The following ITGA7 variants were observed in gnomAD, a reference collection of about 807,000 sequenced individuals.
The protein encoded by ITGA7 is integrin alpha-7.
ITGA7 carries 84 observed loss-of-function variants against 131.6 expected under a neutral mutation model. The observed-to-expected ratio is 0.64, with a 90% CI of 0.54 to 0.77. The LOEUF (loss-of-function observed/expected upper bound fraction) is 0.77. ITGA7 is among the 30% of genes least tolerant of loss of function. The pLI is 0.00. For missense variants in ITGA7, 1,399 were observed against 1,482.9 expected, an observed-to-expected ratio of 0.94 and a Z score of 0.93; for synonymous variants, 548 against 600.7, an observed-to-expected ratio of 0.91 and a Z score of 1.28.
At chr12:55,696,067 C>T (rs1465529006) in intron 13 of ITGA7, among the ~76,000 whole-genome samples, 2 of 152,158 alleles carry the variant, frequency 1.3e-5, no homozygotes, top group Non-Finnish European at 2.9e-5. Flanking sequence ...TTACAGAATC[C>T]CATCAACCTG....
chr12:55,701,282 CAT>C (rs990917446), intron 3 of ITGA7, 128 bp from the exon 4 acceptor site: 37 of 1,551,414 alleles, frequency 2.4e-5, no homozygotes, highest in Non-Finnish European at 3.0e-5. Context: ...CACATGCACA[CAT>C]ACACACACAC....
At chr12:55,713,223 G>C (rs1333758895), upstream of ITGA7, among the ~76,000 whole-genome samples, 2 of 152,182 alleles carry the variant, frequency 1.3e-5, no homozygotes, top group African/African-American at 4.8e-5. Flanking sequence ...GGGGAGGACA[G>C]AGCCAGGCTG....
chr12:55,687,983 CAGCACCAGCAGTGCT>C lies in ITGA7; in HGVS notation c.3156_3170del (p.Ala1053_Leu1057del). Reference sequence around the variant, plus strand: ...CTCCAAGCCTCACCTTCCACAGGAGCAGCACCAGCAGTGCTAGCACCAGCAGCCCAGCCAGTACAG... The same window carrying C: ...CTCCAAGCCTCACCTTCCACAGGAGCAGCACCAGCAGCCCAGCCAGTACAG... On this transcript the variant is annotated inframe_deletion, in exon 24 of 25. Transcript: ENST00000257879. The C allele has an allele frequency of 1.2e-6, 2 of 1,614,192 alleles. No individual in the cohort carries two copies. Among genetic ancestry groups the C allele is most frequent in the East Asian group, 2.2e-5 (1 of 44,878 alleles).
chr12:55,697,866 G>A (rs1565629139), intron 8 of ITGA7, 44 bp from the exon 9 acceptor site: 2 of 1,614,002 alleles, frequency 1.2e-6, no homozygotes, highest in Non-Finnish European at 1.7e-6. Flanking sequence ...ACCTCCCGCA[G>A]GCCTCTGCCT....
intron 11 of ITGA7, 28 bp downstream of exon 11, chr12:55,697,188 C>A (rs767275066): frequency 6.4e-7 from 1 of 1,573,112 alleles, no homozygotes. Context: ...CCCAAAAGGG[C>A]GAGCCACAGA....
chr12:55,692,632 G>A (rs1453395234), intron 21 of ITGA7, among the ~76,000 whole-genome samples: 5 of 152,174 alleles, frequency 3.3e-5, no homozygotes, highest in African/African-American at 1.2e-4. Context: ...GGCTTCAGGT[G>A]GAGTGACCTG....
chr12:55,708,530 G>A (rs1048490284), upstream of ITGA7, among the ~76,000 whole-genome samples: 3 of 152,074 alleles, frequency 2.0e-5, no homozygotes, highest in South Asian at 2.1e-4. Flanking sequence ...CGGGAGATAC[G>A]GGGAGCAAAT....
chr12:55,700,891 T>A lies in ITGA7; in HGVS notation c.670+8A>T, dbSNP rs1247327431. ...GTCCCCTTCTCCCCTTCCCGAGGAG[T>A]GACTCACCCTTCCAATTATAGGTTC... is the stretch of plus-strand genomic sequence containing the variant. On this transcript the variant is annotated splice_region_variant and intron_variant, in intron 4 of 24. Transcript: ENST00000257879. 1 of 1,613,884 alleles carries A rather than the reference T, an allele frequency of 6.2e-7. No homozygotes were observed. The highest frequency in any genetic ancestry group is 8.5e-7 in the Non-Finnish European group (1 of 1,179,918).
chr12:55,698,894 C>A lies in ITGA7; in HGVS notation c.814G>T (p.Gly272Cys), dbSNP rs773336555. The A allele has an allele frequency of 6.2e-6, 10 of 1,613,154 alleles. No homozygotes were observed. The Admixed American group carries it at 1.5e-4, about 24-fold the overall frequency. The part of the protein sequence containing the change: ...YLGFSIDSGK[G>C]LVRAEELSFV... ...CTCAGCTCTTCTGCACGCACCAGAC[C>A]TTTCCCCGAGTCAATAGAGAAGCCT... The change falls in exon 6 of 25, where the codon GGT (glycine) becomes TGT (cysteine). Residue 272 changes from glycine to cysteine, a missense_variant. Transcript: ENST00000257879.
In ITGA7 at chr12:55,694,134, G is replaced by A. The variant is rs1204217415; in HGVS notation, c.2433-11C>T. The A allele has an allele frequency of 6.2e-7, 1 of 1,613,094 alleles. No individual in the cohort carries two copies. The highest frequency in any genetic ancestry group is 8.5e-7 in the Non-Finnish European group (1 of 1,179,096). ...TGGGGAATGGCCATTCTGGCGTGGA[G>A]AGGTCAGAACAGGGGTGAGAAGGTC... is the stretch of plus-strand genomic sequence containing the variant. On this transcript the variant is annotated splice_polypyrimidine_tract_variant and intron_variant, in intron 18 of 24. Coordinates refer to ENST00000257879, the MANE Select transcript of ITGA7 (RefSeq NM_002206.3). This position sits in a 1 kb window ranked among gnomAD's most constrained non-coding sequence, Gnocchi z 5.3.
intron 4 of ITGA7, 48 bp from the exon 5 acceptor site, chr12:55,700,037 G>A (rs910515860): frequency 1.2e-6 from 2 of 1,606,914 alleles, no homozygotes; most frequent in Non-Finnish European, 8.5e-7. Context: ...CCAGAGTAGG[G>A]GCCACAGAGT....
chr12:55,706,643 G>A (rs1006329865), intron 1 of ITGA7, among the ~76,000 whole-genome samples: 2 of 151,204 alleles, frequency 1.3e-5, no homozygotes, highest in Admixed American at 1.3e-4. Context: ...CCTCACAAAA[G>A]TATATCCATC....
At chr12:55,695,156 C>T (rs776150303) in intron 14 of ITGA7, 186 bp from the exon 15 acceptor site, 84 of 625,390 alleles carry the variant, frequency 1.3e-4, no homozygotes, top group Non-Finnish European at 2.1e-4. Context: ...CCTCCGTTCT[C>T]ATCTCAGCTC....
chr12:55,698,455 A>C lies in ITGA7; in HGVS notation c.1120T>G (p.Cys374Gly). ...CCGAACATGGAGTCAGGGGAGCCGCAGAGCCGGAGAGGGGAGATCCCAGCC... is the reference window on the plus strand; with the variant it reads ...CCGAACATGGAGTCAGGGGAGCCGCCGAGCCGGAGAGGGGAGATCCCAGCC... Reference protein sequence around the residue: ...HWAGISPLRLCGSPDSMFGIS... With the variant: ...HWAGISPLRLGGSPDSMFGIS... Residue 374 changes from cysteine to glycine, a missense_variant, in exon 7 of 25, where the codon TGC becomes GGC. Coordinates refer to ENST00000257879, the MANE Select transcript of ITGA7 (RefSeq NM_002206.3). 2 of 1,613,638 alleles carry C rather than the reference A, an allele frequency of 1.2e-6. No individual in the cohort carries two copies. The highest frequency in any genetic ancestry group is 1.7e-6 in the Non-Finnish European group (2 of 1,179,676).
rs1875581174 is a variant in ITGA7, at chr12:55,707,853, C to T, written c.-171G>A. 25 of 1,468,238 alleles carry T rather than the reference C, an allele frequency of 1.7e-5. No homozygotes were observed. Among genetic ancestry groups the T allele is most frequent in the Non-Finnish European group, 2.2e-5 (25 of 1,111,352 alleles). 91.0% of individuals were successfully genotyped at this position (1,468,238 alleles called of 1,614,324 possible). The stretch of plus-strand genomic sequence containing the variant: ...GCCCGCCCGCCGCTCCGCCACCCCG[C>T]CGCCCCAGCACCGGCTAGGACAACT... On this transcript the variant is annotated 5_prime_UTR_variant, in exon 1 of 25. Transcript: ENST00000257879.
upstream of ITGA7, among the ~76,000 whole-genome samples, chr12:55,708,721 A>T (rs771374579): frequency 1.1e-4 from 17 of 152,290 alleles, no homozygotes; most frequent in East Asian, 1.3e-3. Flanking sequence ...TGGACCCAAG[A>T]GGCAGAGGGA....
Position 55,695,999 on chromosome 12 carries a change from C to T in ITGA7, c.1887+284G>A, listed in dbSNP as rs545102269. Among the ~76,000 whole-genome samples, 90 of 152,274 alleles carry T rather than the reference C, an allele frequency of 5.9e-4. 2 individuals are homozygous for T. The highest frequency in any genetic ancestry group is 2.1e-3 in the African/African-American group (86 of 41,554). On this transcript the variant is annotated intron_variant, in intron 13 of 24. Coordinates refer to ENST00000257879, the MANE Select transcript of ITGA7 (RefSeq NM_002206.3). ...ATGCAAGCAAGGGGCCTCATGTTCT[C>T]CCTTCCAGCTGAATGGGATGAATGT...
chr12:55,698,827 A>G lies in ITGA7; in HGVS notation c.881T>C (p.Val294Ala), dbSNP rs1471125104. The G allele has an allele frequency of 6.2e-7, 1 of 1,614,050 alleles. No homozygotes were observed. Residue 294 changes from valine (V) to alanine (A), a missense_variant, in exon 6 of 25, where the codon GTG (valine) becomes GCG (alanine). Transcript: ENST00000257879. ...GGCGCTGTCCTTGCGCAGGATGACC[A>G]CAGCACCCTTGTGGTTGGCGCGGGG... Reference protein sequence around the residue: ...GAPRANHKGAVVILRKDSASR... With the variant: ...GAPRANHKGAAVILRKDSASR...
In ITGA7 at chr12:55,697,600, C is replaced by T. The variant is rs369539578; in HGVS notation, c.1410-54G>A. On this transcript the variant is annotated intron_variant, in intron 9 of 24. Coordinates refer to ENST00000257879, the MANE Select transcript of ITGA7 (RefSeq NM_002206.3). ...AACATGAGAACATGAGGCTGGGAAA[C>T]ACTCTTCAGCATTAGATTTGGCACT... 4.5e-5 allele frequency: 73 copies of T among 1,609,468 alleles called. 1 individual carries two copies. The highest frequency in any genetic ancestry group is 6.1e-5 in the Non-Finnish European group (72 of 1,176,094).
Sources: gnomAD v4.1 joint callset for allele counts (sites outside exome capture counted in the v4.1 genomes callset) on GRCh38, gnomAD v4.1.1 for gene constraint, Gnocchi (gnomAD v3.1) non-coding constraint, MANE v1.5 for transcripts, NCBI Gene and HGNC (gene_info 2026-07-23, HGNC 2026-07-21) for gene names.